CPNE4: variants seen among roughly 807,000 people sequenced by gnomAD.
CPNE4 encodes the protein copine 4.
A neutral mutation model predicts 67.9 loss-of-function variants in CPNE4; 25 were observed. The observed-to-expected ratio is 0.37, with a 90% CI of 0.27 to 0.51. CPNE4 has a LOEUF of 0.51. Ranked by LOEUF, CPNE4 falls within the 20% of genes least tolerant of loss-of-function variation. CPNE4 has a pLI of 0.93. For missense variants in CPNE4, 464 were observed against 690.8 expected (o/e 0.67, Z 3.68); for synonymous variants, 242 against 244.9 (o/e 0.99, Z 0.11).
intron 7 of CPNE4, among the ~76,000 whole-genome samples, chr3:131,599,950 G>C (rs1353532242): frequency 6.6e-6 from 1 of 152,104 alleles, no homozygotes; most frequent in Admixed American, 6.5e-5. Context: ...TAATGACATG[G>C]GTCAAGAGAA....
chr3:131,577,950 A>G (rs1274618666), intron 9 of CPNE4, among the ~76,000 whole-genome samples: 1 of 152,094 alleles, frequency 6.6e-6, no homozygotes, highest in Non-Finnish European at 1.5e-5. Flanking sequence ...CTGGACTTAC[A>G]GTGGGGTTAC....
chr3:131,580,509 A>G (rs191383868), intron 9 of CPNE4, among the ~76,000 whole-genome samples: 18 of 151,842 alleles, frequency 1.2e-4, no homozygotes, highest in East Asian at 9.7e-4. Flanking sequence ...CACACACAAC[A>G]TGCACACACA....
chr3:131,704,056 G>A (rs1443835974), intron 3 of CPNE4, among the ~76,000 whole-genome samples: 2 of 152,172 alleles, frequency 1.3e-5, no homozygotes, highest in Non-Finnish European at 2.9e-5. Flanking sequence ...CCTTACACTT[G>A]TTTGGCCTGA....
chr3:131,739,711 C>T (rs753196235), intron 2 of CPNE4, among the ~76,000 whole-genome samples: 4 of 152,222 alleles, frequency 2.6e-5, no homozygotes. Context: ...CTACTACATG[C>T]TATTGTACTT....
intron 2 of CPNE4, among the ~76,000 whole-genome samples, chr3:131,835,117 T>C (rs1399429315): frequency 6.6e-6 from 1 of 152,198 alleles, no homozygotes; most frequent in Non-Finnish European, 1.5e-5. Context: ...AAAAAGATGG[T>C]TGGGCTAGTG....
intron 1 of CPNE4, among the ~76,000 whole-genome samples, chr3:131,931,139 G>T (rs7642768): frequency 4.0e-5 from 6 of 151,898 alleles, no homozygotes; most frequent in Non-Finnish European, 8.8e-5. Flanking sequence ...CGTTATGGTA[G>T]GAAGTATAGC....
chr3:131,981,825 G>A (rs765486018), intron 1 of CPNE4, among the ~76,000 whole-genome samples: 11 of 152,096 alleles, frequency 7.2e-5, no homozygotes, highest in Non-Finnish European at 1.5e-4. Flanking sequence ...AAGTAAAGTC[G>A]GAAACTTCTC....
chr3:131,913,446 C>T (rs559609055), intron 1 of CPNE4, among the ~76,000 whole-genome samples: 3 of 152,210 alleles, frequency 2.0e-5, no homozygotes, highest in Admixed American at 2.0e-4. Flanking sequence ...TCGTGCTCCC[C>T]TCCCAAGTGC....
At chr3:131,881,496 T>G (rs1328001778) in intron 2 of CPNE4, among the ~76,000 whole-genome samples, 1 of 152,026 alleles carries the variant, frequency 6.6e-6, no homozygotes, top group African/African-American at 2.4e-5. Flanking sequence ...TAAACCCAAC[T>G]TGTTCAATTA....
At chr3:131,708,805 G>A (rs902512338) in intron 3 of CPNE4, among the ~76,000 whole-genome samples, 100 of 151,572 alleles carry the variant, frequency 6.6e-4, no homozygotes, top group African/African-American at 2.4e-3. Flanking sequence ...CAGGAAAAAA[G>A]GCACCTTTGT....
chr3:131,734,002 G>A (rs1479619561), intron 2 of CPNE4, among the ~76,000 whole-genome samples: 1 of 152,178 alleles, frequency 6.6e-6, no homozygotes, highest in African/African-American at 2.4e-5. Flanking sequence ...TCCAAGGAAG[G>A]GTGAAGTGAT....
At chr3:131,752,768 G>A (rs760245201) in intron 2 of CPNE4, among the ~76,000 whole-genome samples, 1 of 152,050 alleles carries the variant, frequency 6.6e-6, no homozygotes, top group Non-Finnish European at 1.5e-5. Flanking sequence ...TGAGATCTAT[G>A]CAAATCATAC....
intron 1 of CPNE4, among the ~76,000 whole-genome samples, chr3:131,970,426 T>A (rs1461122432): frequency 6.6e-6 from 1 of 152,198 alleles, no homozygotes; most frequent in East Asian, 1.9e-4. Context: ...CCCCATTAAG[T>A]CTCATTAGCT....
intron 2 of CPNE4, among the ~76,000 whole-genome samples, chr3:131,864,506 TTGTC>T (rs1162275045): frequency 1.3e-5 from 2 of 152,082 alleles, no homozygotes; most frequent in African/African-American, 2.4e-5. Flanking sequence ...GGCTCTCTGT[TTGTC>T]TGTTATTGGT....
rs148690808 is a variant in CPNE4 at position 131,929,983 on chromosome 3, A to G, written c.-1-24539T>C. Among the ~76,000 whole-genome samples the G allele has an allele frequency of 1.6e-3, 240 of 152,316 alleles. 1 individual carries two copies. The highest frequency in any genetic ancestry group is 5.6e-3 in the African/African-American group (232 of 41,586). On this transcript the variant is annotated intron_variant, in intron 1 of 15. Coordinates refer to ENST00000429747, the MANE Select transcript of CPNE4 (RefSeq NM_130808.3). ...TGCAGGACAGGTCCTCTTGTCTGCA[A>G]GTGCTATTACAAATGTACTGTGGAG...
chr3:131,658,188 G>A (rs752495162), intron 7 of CPNE4, among the ~76,000 whole-genome samples: 2 of 151,950 alleles, frequency 1.3e-5, no homozygotes, highest in African/African-American at 4.8e-5. Flanking sequence ...GCCTTTTGCC[G>A]TGAGTCAGTT....
intron 2 of CPNE4, among the ~76,000 whole-genome samples, chr3:131,834,504 A>G (rs1161684959): frequency 6.6e-6 from 1 of 152,194 alleles, no homozygotes; most frequent in Non-Finnish European, 1.5e-5. Flanking sequence ...AAGCGTATTC[A>G]TTCAGTAATT....
chr3:131,982,276 T>C (rs908259793), intron 1 of CPNE4, among the ~76,000 whole-genome samples: 33 of 152,194 alleles, frequency 2.2e-4, no homozygotes, highest in Admixed American at 2.1e-3. Flanking sequence ...GGTTAAAAAA[T>C]TTATGTATAT....
At chr3:131,824,780 G>A (rs2085089634) in intron 2 of CPNE4, among the ~76,000 whole-genome samples, 1 of 152,120 alleles carries the variant, frequency 6.6e-6, no homozygotes, top group Admixed American at 6.5e-5. Flanking sequence ...CCTTCTGCTT[G>A]CTGCTGGAGT....
Sources: allele counts gnomAD v4.1 joint callset (sites outside exome capture counted in the v4.1 genomes callset), GRCh38; gene constraint gnomAD v4.1.1; transcripts MANE v1.5; gene names NCBI Gene and HGNC (gene_info 2026-07-23, HGNC 2026-07-21).